P2RY8: variants seen among roughly 807,000 people sequenced by gnomAD.
The protein encoded by P2RY8 is S-geranylgeranyl-glutathione receptor P2RY8.
A neutral mutation model predicts 10.0 loss-of-function variants in P2RY8; 6 were observed. The observed-to-expected ratio is 0.60, with a 90% confidence interval of 0.33 to 1.19. The LOEUF (loss-of-function observed/expected upper bound fraction) is 1.19, where lower values mean the gene tolerates loss of function less well. P2RY8 is among the 50% of genes most tolerant of loss of function. P2RY8 has a pLI of 0.04. For synonymous variants in P2RY8, 276 were observed against 252.5 expected (o/e 1.09, Z -0.88); for missense variants, 456 against 542.0 (o/e 0.84, Z 1.58).
chrX:1,504,369 T>C (rs1392679849), intron 1 of P2RY8, among the ~76,000 whole-genome samples: 1 of 152,012 alleles, frequency 6.6e-6, no homozygotes, highest in African/African-American at 2.4e-5. Flanking sequence ...CCCTTGAAGC[T>C]TCTGTTTCAA....
chrX:1,524,779 ATC>A (rs2149412205), intron 1 of P2RY8, among the ~76,000 whole-genome samples: 7 of 101,002 alleles, frequency 6.9e-5, no homozygotes, highest in East Asian at 5.5e-4. Flanking sequence ...CCATCCATCC[ATC>A]CACTCATCCA....
intron 1 of P2RY8, among the ~76,000 whole-genome samples, chrX:1,502,372 C>T (rs1205830234): frequency 1.5e-4 from 23 of 152,166 alleles, no homozygotes; most frequent in Admixed American, 3.9e-4. Context: ...CCTCCCTCCC[C>T]CACTTCGAAC....
intron 1 of P2RY8, among the ~76,000 whole-genome samples, chrX:1,499,140 TTTTTTC>T (rs1203492998): frequency 4.0e-5 from 6 of 148,236 alleles, no homozygotes; most frequent in South Asian, 4.3e-4. Context: ...ACCCTCTGTT[TTTTTTC>T]TTTTTCTTTT....
At chrX:1,492,834 C>G (rs867490216) in intron 1 of P2RY8, among the ~76,000 whole-genome samples, 4 of 152,148 alleles carry the variant, frequency 2.6e-5, no homozygotes, top group Admixed American at 6.5e-5. Context: ...AAGGCAGTCA[C>G]GTATCATTCA....
At chrX:1,484,735 AAAAAAAAAAAAAAG>A (rs1463692791) in intron 1 of P2RY8, among the ~76,000 whole-genome samples, 1 of 138,600 alleles carries the variant, frequency 7.2e-6, no homozygotes. Flanking sequence ...AAAAAAAAAA[AAAAAAAAAAAAAAG>A]AAGAAGAAGA....
Position 1,484,283 on chromosome X carries a change from T to G in P2RY8, c.-24-17701A>C, listed in dbSNP as rs184237962. Among the ~76,000 whole-genome samples the G allele has an allele frequency of 3.8e-4, 58 of 152,154 alleles. 2 individuals carry two copies. In the South Asian group the frequency reaches 6.8e-3, roughly 18 times the overall value. Reference sequence around the variant, plus strand: ...GTTTCAATCTCTCTCCTCTGAAAGGTGAAAGGGTCCCAAGGTAGCAGTGAT... The same window carrying G: ...GTTTCAATCTCTCTCCTCTGAAAGGGGAAAGGGTCCCAAGGTAGCAGTGAT... On this transcript the variant is annotated intron_variant, in intron 1 of 1. Coordinates refer to ENST00000381297, the MANE Select transcript of P2RY8 (RefSeq NM_178129.5).
chrX:1,526,624 A>G (rs1189801410), intron 1 of P2RY8, among the ~76,000 whole-genome samples: 1 of 151,458 alleles, frequency 6.6e-6, no homozygotes, highest in Non-Finnish European at 1.5e-5. Context: ...TAATTCATTT[A>G]TGCATCCACT....
intron 1 of P2RY8, among the ~76,000 whole-genome samples, chrX:1,508,702 CATTCT>C (rs1359808247): frequency 3.4e-4 from 29 of 86,514 alleles, no homozygotes; most frequent in South Asian, 2.6e-3. Flanking sequence ...TCCATCCATC[CATTCT>C]ATCTATCTAT....
Position 1,524,489 on chromosome X carries a change from CCATACATCCACG to C in P2RY8, c.-25+12420_-25+12431del, listed in dbSNP as rs1180271416. 2.2e-3 allele frequency among the ~76,000 whole-genome samples: 304 copies of C among 139,958 alleles called. 44 individuals carry two copies. Among genetic ancestry groups the C allele is most frequent in the African/African-American group, 7.6e-3 (281 of 36,984 alleles). 91.8% of individuals were successfully genotyped at this position (139,958 alleles called of 152,430 possible). ...TCCATCCATTCATCCACTCATCCAT[CCATACATCCACG>C]CATCCATCCATCCATCCATCCATCC... On this transcript the variant is annotated intron_variant, in intron 1 of 1. Transcript: ENST00000381297.
At chrX:1,518,295 A>G (rs1468972614) in intron 1 of P2RY8, among the ~76,000 whole-genome samples, 1 of 145,650 alleles carries the variant, frequency 6.9e-6, no homozygotes, top group Non-Finnish European at 1.5e-5. Context: ...GCATGGTGGC[A>G]GGTGCCTGCA....
chrX:1,531,052 ATCTGTCTGTCTG>A (rs1171703505), intron 1 of P2RY8, among the ~76,000 whole-genome samples: 3 of 118,046 alleles, frequency 2.5e-5, no homozygotes, highest in African/African-American at 9.7e-5. Flanking sequence ...GATTCTATCT[ATCTGTCTGTCTG>A]TCTGTCTATC....
At chrX:1,468,456 A>C (rs185927232) in intron 1 of P2RY8, among the ~76,000 whole-genome samples, 414 of 152,360 alleles carry the variant, frequency 2.7e-3, no homozygotes, top group African/African-American at 7.5e-3. Flanking sequence ...GGGAAGACAG[A>C]CAGCCAGGAC....
chrX:1,467,628 A>G (rs1173075838), intron 1 of P2RY8, among the ~76,000 whole-genome samples: 7 of 152,142 alleles, frequency 4.6e-5, no homozygotes, highest in African/African-American at 9.7e-5. Flanking sequence ...TTATTTTGAG[A>G]ATGTAAAGTG....
chrX:1,536,510 C>T, intron 1 of P2RY8, among the ~76,000 whole-genome samples: 1 of 151,436 alleles, frequency 6.6e-6, no homozygotes, highest in East Asian at 1.9e-4. Context: ...GATCCACCCA[C>T]CTCGGTCCCC....
intron 1 of P2RY8, among the ~76,000 whole-genome samples, chrX:1,524,057 A>G (rs2092411613): frequency 6.6e-6 from 1 of 152,262 alleles, no homozygotes; most frequent in Admixed American, 6.5e-5. Context: ...AGCAGTATTT[A>G]TTTTGGTGAC....
intron 1 of P2RY8, among the ~76,000 whole-genome samples, chrX:1,477,667 G>A (rs1449642763): frequency 6.6e-6 from 1 of 152,000 alleles, no homozygotes; most frequent in Non-Finnish European, 1.5e-5. Context: ...TAGATCCCAG[G>A]GACACTGCTC....
intron 1 of P2RY8, among the ~76,000 whole-genome samples, chrX:1,479,168 C>G (rs1218014481): frequency 6.6e-6 from 1 of 152,248 alleles, no homozygotes; most frequent in Non-Finnish European, 1.5e-5. Flanking sequence ...GATCTTTCCC[C>G]TCCAGGTCCC....
At chrX:1,504,088 C>G (rs748050646) in intron 1 of P2RY8, among the ~76,000 whole-genome samples, 1 of 151,690 alleles carries the variant, frequency 6.6e-6, no homozygotes, top group African/African-American at 2.4e-5. Context: ...GAGGCCGAGG[C>G]GGGCGGATCA....
chrX:1,507,563 A>G (rs1339658986), intron 1 of P2RY8, among the ~76,000 whole-genome samples: 5 of 152,062 alleles, frequency 3.3e-5, no homozygotes, highest in African/African-American at 1.2e-4. Context: ...AGTACTGGCG[A>G]CATACCTGTT....
Sources: allele counts gnomAD v4.1 joint callset (sites outside exome capture counted in the v4.1 genomes callset), GRCh38; gene constraint gnomAD v4.1.1; transcripts MANE v1.5; gene names NCBI Gene and HGNC (gene_info 2026-07-23, HGNC 2026-07-21).